PTPRD: variants seen among roughly 807,000 people sequenced by gnomAD.
The protein encoded by PTPRD is receptor-type tyrosine-protein phosphatase delta.
A neutral mutation model predicts 214.5 loss-of-function variants in PTPRD; 34 were observed. That is an observed-to-expected ratio of 0.16 (90% CI 0.12 to 0.21). PTPRD has a LOEUF of 0.21. Among genes scored for constraint, PTPRD ranks in the 10% least tolerant of loss-of-function variants. The pLI is 1.00. For synonymous variants in PTPRD, 1,128 were observed against 845.7 expected, an observed-to-expected ratio of 1.33 and a Z score of -5.79; for missense variants, 2,545 against 2,398.7, an observed-to-expected ratio of 1.06 and a Z score of -1.27.
chr9:8,481,372 C>A (rs868674871), intron 30 of PTPRD, among the ~76,000 whole-genome samples: 23 of 151,694 alleles, frequency 1.5e-4, no homozygotes, highest in Non-Finnish European at 3.2e-4. Flanking sequence ...GAAAGTGTAC[C>A]CAGGAAAGGT....
intron 5 of PTPRD, among the ~76,000 whole-genome samples, chr9:9,909,801 A>T (rs1246592586): frequency 6.6e-6 from 1 of 151,436 alleles, no homozygotes; most frequent in Non-Finnish European, 1.5e-5. Context: ...ATGAGCATGC[A>T]CTATTCACTA....
intron 4 of PTPRD, among the ~76,000 whole-genome samples, chr9:9,988,226 T>C (rs2095790715): frequency 6.6e-6 from 1 of 152,196 alleles, no homozygotes; most frequent in Non-Finnish European, 1.5e-5. Flanking sequence ...GCAAAACTTT[T>C]CAAAAATATT....
chr9:9,946,273 C>CA (rs2153981059), intron 4 of PTPRD, among the ~76,000 whole-genome samples: 1 of 152,168 alleles, frequency 6.6e-6, no homozygotes, highest in South Asian at 2.1e-4. Context: ...AGGTGGTACT[C>CA]AATACTTGCT....
intron 2 of PTPRD, among the ~76,000 whole-genome samples, chr9:10,447,113 G>A (rs1398721977): frequency 1.3e-5 from 2 of 152,096 alleles, no homozygotes; most frequent in East Asian, 3.9e-4. Context: ...TCCTGGCAGG[G>A]CGATTCCTGT....
At chr9:9,303,293 A>G (rs1956091715) in intron 9 of PTPRD, among the ~76,000 whole-genome samples, 1 of 152,002 alleles carries the variant, frequency 6.6e-6, no homozygotes, top group African/African-American at 2.4e-5. Flanking sequence ...CAAATATCCC[A>G]AAATACACAA....
chr9:9,868,070 G>A (rs1005496283), intron 5 of PTPRD, among the ~76,000 whole-genome samples: 1 of 152,118 alleles, frequency 6.6e-6, no homozygotes, highest in Non-Finnish European at 1.5e-5. Flanking sequence ...CCTGATTGAT[G>A]GTGTGCCTAC....
chr9:8,897,872 G>A (rs2098633047), intron 11 of PTPRD, among the ~76,000 whole-genome samples: 1 of 152,140 alleles, frequency 6.6e-6, no homozygotes. Context: ...ACAGAGTGAG[G>A]ATTAGTAACA....
chr9:10,211,965 C>G (rs2099519421), intron 3 of PTPRD, among the ~76,000 whole-genome samples: 1 of 152,034 alleles, frequency 6.6e-6, no homozygotes, highest in Non-Finnish European at 1.5e-5. Flanking sequence ...TTTTTTAAAA[C>G]AAGATACAGC....
chr9:10,011,428 G>C (rs2154106312), intron 4 of PTPRD, among the ~76,000 whole-genome samples: 1 of 151,962 alleles, frequency 6.6e-6, no homozygotes, highest in East Asian at 1.9e-4. Flanking sequence ...ACAAATAAAA[G>C]AAGAACTTAT....
intron 5 of PTPRD, among the ~76,000 whole-genome samples, chr9:9,903,492 T>C (rs977210296): frequency 5.9e-5 from 9 of 152,242 alleles, no homozygotes; most frequent in Admixed American, 5.9e-4. Context: ...AGGTACCCAA[T>C]AAATAATGGG....
intron 5 of PTPRD, among the ~76,000 whole-genome samples, chr9:9,815,939 T>C (rs756859542): frequency 4.6e-5 from 7 of 152,154 alleles, no homozygotes; most frequent in Admixed American, 1.3e-4. Flanking sequence ...ATGGTAGCTA[T>C]GTGAGGTGAA....
intron 11 of PTPRD, chr9:8,962,209 AT>A (rs2099162176): frequency 7.9e-5 from 12 of 152,158 alleles, no homozygotes; most frequent in Admixed American, 7.9e-4. Context: ...AAGTGAAAAA[AT>A]AATTACTTGG....
intron 14 of PTPRD, among the ~76,000 whole-genome samples, chr9:8,600,275 C>T: frequency 6.6e-6 from 1 of 152,182 alleles, no homozygotes; most frequent in East Asian, 1.9e-4. Context: ...TCCCACAAGC[C>T]TCACCATCAC....
intron 11 of PTPRD, among the ~76,000 whole-genome samples, chr9:8,831,469 A>C (rs2097290079): frequency 6.6e-6 from 1 of 152,198 alleles, no homozygotes; most frequent in East Asian, 1.9e-4. Flanking sequence ...TAACATGCTC[A>C]GAGACCAGAC....
At chr9:10,026,983 A>C (rs1170704806) in intron 4 of PTPRD, among the ~76,000 whole-genome samples, 3 of 152,150 alleles carry the variant, frequency 2.0e-5, no homozygotes, top group Non-Finnish European at 4.4e-5. Flanking sequence ...CATTAAAGGC[A>C]GCCAGCAAAC....
chr9:10,065,429 A>G (rs1160978962), intron 3 of PTPRD, among the ~76,000 whole-genome samples: 1 of 151,942 alleles, frequency 6.6e-6, no homozygotes, highest in Non-Finnish European at 1.5e-5. Context: ...GCTTTGAAGC[A>G]AGAACTCCAT....
chr9:9,500,560 C>T (rs1226715345), intron 8 of PTPRD, among the ~76,000 whole-genome samples: 2 of 151,424 alleles, frequency 1.3e-5, no homozygotes, highest in African/African-American at 2.4e-5. Flanking sequence ...GATGGCACCA[C>T]GGAGGCTTGA....
chr9:8,376,812 G>A, intron 37 of PTPRD, 86 bp from the exon 38 acceptor site: 1 of 1,550,768 alleles, frequency 6.4e-7, no homozygotes, highest in Non-Finnish European at 8.8e-7. Context: ...AAGGAAAACA[G>A]CTTTTCTGCA....
At chr9:8,833,715 TACACACACACACACACAC>T (rs1177957119) in intron 11 of PTPRD, among the ~76,000 whole-genome samples, 5 of 133,718 alleles carry the variant, frequency 3.7e-5, no homozygotes, top group Non-Finnish European at 7.9e-5. Flanking sequence ...TATATATATA[TACACACACACACACACAC>T]ACACACACAC....
Sources: gnomAD v4.1 joint callset for allele counts (sites outside exome capture counted in the v4.1 genomes callset) on GRCh38, gnomAD v4.1.1 for gene constraint, MANE v1.5 for transcripts, NCBI Gene and HGNC (gene_info 2026-07-23, HGNC 2026-07-21) for gene names.